DAB1: variants seen among roughly 807,000 people sequenced by gnomAD.
The protein encoded by DAB1 is DAB adaptor protein 1.
DAB1 carries 15 observed loss-of-function variants against 64.6 expected under a neutral mutation model. The observed-to-expected ratio is 0.23, with a 90% CI of 0.16 to 0.36. The LOEUF (loss-of-function observed/expected upper bound fraction) is 0.36. Ranked by LOEUF, DAB1 falls within the 10% of genes least tolerant of loss-of-function variation. The probability of loss-of-function intolerance (pLI) is 1.00; values close to 1 mark genes in which losing one functional copy is unlikely to be tolerated. For synonymous variants in DAB1, 235 were observed against 251.9 expected (o/e 0.93, Z 0.64); for missense variants, 596 against 706.7 (o/e 0.84, Z 1.78).
intron 7 of DAB1, among the ~76,000 whole-genome samples, chr1:57,559,117 ATGG>A (rs1425618074): frequency 6.6e-6 from 1 of 152,210 alleles, no homozygotes; most frequent in African/African-American, 2.4e-5. Context: ...AGCTACTGTA[ATGG>A]ACAGCAGAGG....
rs577257392 is a variant in DAB1 at position 57,943,773 on chromosome 1, TC to T, written n.388-59612del. On this transcript the variant is annotated intron_variant and non_coding_transcript_variant, in intron 5 of 20. Coordinates refer to the DAB1 transcript ENST00000485760. ...TGTTACGTAATTACCTAAATCACCC[TC>T]TACCATACTCATACCCGAGATTTAT... Among the ~76,000 whole-genome samples, 90 of 152,214 alleles carry T rather than the reference TC, an allele frequency of 5.9e-4. 1 individual carries two copies. Among genetic ancestry groups the T allele is most frequent in the Middle Eastern group, 3.4e-3 (1 of 294 alleles).
intron 4 of DAB1, among the ~76,000 whole-genome samples, chr1:58,323,174 G>A (rs180704880): frequency 2.0e-5 from 3 of 151,590 alleles, no homozygotes; most frequent in African/African-American, 4.8e-5. Context: ...CATCAACATG[G>A]CACATGTATA....
chr1:57,454,321 G>A (rs938585383), intron 7 of DAB1, among the ~76,000 whole-genome samples: 6 of 152,160 alleles, frequency 3.9e-5, no homozygotes, highest in Non-Finnish European at 8.8e-5. Context: ...ATACTATGCA[G>A]TCATAAAAAA....
At chr1:58,444,026 C>T (rs918474141) in intron 3 of DAB1, among the ~76,000 whole-genome samples, 1 of 152,178 alleles carries the variant, frequency 6.6e-6, no homozygotes, top group Non-Finnish European at 1.5e-5. Context: ...TGAGATAATG[C>T]AGTACCTAGT....
intron 2 of DAB1, among the ~76,000 whole-genome samples, chr1:57,158,081 T>C (rs547146284): frequency 6.6e-6 from 1 of 152,196 alleles, no homozygotes; most frequent in Non-Finnish European, 1.5e-5. Context: ...AGGCTCTTCA[T>C]ATGCAAAACA....
chr1:57,279,338 C>T (rs1021961158), intron 2 of DAB1, among the ~76,000 whole-genome samples: 3 of 152,056 alleles, frequency 2.0e-5, no homozygotes, highest in African/African-American at 4.8e-5. Context: ...AAAGAAAATG[C>T]TATGTAATAG....
intron 1 of DAB1, among the ~76,000 whole-genome samples, chr1:57,380,402 A>G (rs1378753017): frequency 7.2e-5 from 11 of 152,324 alleles, no homozygotes; most frequent in African/African-American, 2.4e-4. Context: ...GAACCGTCTT[A>G]CCCAAATATT....
chr1:58,004,853 C>T (rs1830905), intron 5 of DAB1, among the ~76,000 whole-genome samples: 1 of 151,766 alleles, frequency 6.6e-6, no homozygotes, highest in African/African-American at 2.4e-5. Context: ...GTATTTCAGA[C>T]CTAAAGCCAG....
At chr1:58,499,347 T>C (rs1350785142) in intron 3 of DAB1, among the ~76,000 whole-genome samples, 2 of 146,366 alleles carry the variant, frequency 1.4e-5, no homozygotes, top group Admixed American at 1.4e-4. Context: ...AGGCCAGGCA[T>C]TGTGGTACAT....
At chr1:57,627,780 A>T (rs1645940584) in intron 7 of DAB1, among the ~76,000 whole-genome samples, 1 of 152,212 alleles carries the variant, frequency 6.6e-6, no homozygotes. Flanking sequence ...AATGCATTGC[A>T]CTGGCCCTAA....
At chr1:57,250,895 T>C (rs1028484385) in intron 2 of DAB1, among the ~76,000 whole-genome samples, 4 of 152,224 alleles carry the variant, frequency 2.6e-5, no homozygotes, top group Non-Finnish European at 5.9e-5. Flanking sequence ...GTCATCCAGA[T>C]GGCATTTTTC....
chr1:57,206,763 G>A lies in DAB1; in HGVS notation c.68-61334C>T, dbSNP rs549563374. ...AAGGGGCTTCATCAAGAGGCAATAT[G>A]TAGAAACAGAAAAGGACACAGGCGT... On this transcript the variant is annotated intron_variant, in intron 2 of 14. Transcript: ENST00000371236. Among the ~76,000 whole-genome samples the A allele has an allele frequency of 3.3e-5, 5 of 152,182 alleles. 1 individual carries two copies. The South Asian group carries it at 1.0e-3, about 32-fold the overall frequency.
chr1:58,380,252 C>T (rs980869418), intron 3 of DAB1, among the ~76,000 whole-genome samples: 4 of 152,178 alleles, frequency 2.6e-5, no homozygotes, highest in African/African-American at 9.7e-5. Flanking sequence ...ATGCTGTTCT[C>T]GTAATAGTGA....
chr1:57,466,261 T>C (rs1382603606), intron 7 of DAB1, among the ~76,000 whole-genome samples: 1 of 152,250 alleles, frequency 6.6e-6, no homozygotes, highest in Non-Finnish European at 1.5e-5. Context: ...GAATTTGTAA[T>C]TTCTGTAGCC....
intron 5 of DAB1, among the ~76,000 whole-genome samples, chr1:57,953,004 C>G (rs1431702743): frequency 6.6e-6 from 1 of 152,202 alleles, no homozygotes; most frequent in African/African-American, 2.4e-5. Context: ...CCTTGCATAA[C>G]TCTTGCTTCA....
intron 7 of DAB1, among the ~76,000 whole-genome samples, chr1:57,556,599 C>T (rs1035348334): frequency 8.5e-5 from 13 of 152,208 alleles, no homozygotes; most frequent in South Asian, 6.2e-4. Flanking sequence ...TGTCTATTCA[C>T]ATCCTTAGCC....
At chr1:57,261,787 T>C (rs971221762) in intron 2 of DAB1, among the ~76,000 whole-genome samples, 2 of 152,196 alleles carry the variant, frequency 1.3e-5, no homozygotes, top group African/African-American at 2.4e-5. Flanking sequence ...AATCATACCA[T>C]GTGCCTCACA....
chr1:57,906,085 A>C (rs947274386), intron 5 of DAB1, among the ~76,000 whole-genome samples: 2 of 152,148 alleles, frequency 1.3e-5, no homozygotes, highest in Non-Finnish European at 2.9e-5. Flanking sequence ...AGGTTCTCCC[A>C]ATGGAAGTAG....
intron 3 of DAB1, among the ~76,000 whole-genome samples, chr1:58,496,226 C>T (rs965892375): frequency 1.3e-5 from 2 of 151,568 alleles, no homozygotes; most frequent in Non-Finnish European, 2.9e-5. Flanking sequence ...CTCTATCTTC[C>T]GCATCAATGA....
Sources: gnomAD v4.1 joint callset for allele counts (sites outside exome capture counted in the v4.1 genomes callset) on GRCh38, gnomAD v4.1.1 for gene constraint, MANE v1.5 for transcripts, NCBI Gene and HGNC (gene_info 2026-07-23, HGNC 2026-07-21) for gene names.